SDK1: variants seen among roughly 807,000 people sequenced by gnomAD.
SDK1 encodes sidekick cell adhesion molecule 1.
Under a neutral mutation model 245.5 loss-of-function variants are expected in SDK1, and 157 were observed. The observed-to-expected ratio is 0.64, with a 90% CI of 0.56 to 0.73. The LOEUF (loss-of-function observed/expected upper bound fraction) is 0.73, where lower values mean the gene tolerates loss of function less well. Among genes scored for constraint, SDK1 ranks in the 30% least tolerant of loss-of-function variants. The pLI, the probability that SDK1 is intolerant of heterozygous loss-of-function variation, is 0.00. For synonymous variants in SDK1, 1,647 were observed against 1,278.5 expected, an observed-to-expected ratio of 1.29 and a Z score of -6.15; for missense variants, 3,583 against 3,002.3, an observed-to-expected ratio of 1.19 and a Z score of -4.52.
chr7:4,046,714 G>T (rs1452098399), intron 17 of SDK1, among the ~76,000 whole-genome samples: 1 of 152,084 alleles, frequency 6.6e-6, no homozygotes, highest in African/African-American at 2.4e-5. Context: ...ATACAGTAAA[G>T]GTTATCCAAA....
At chr7:4,050,396 C>A (rs1054631899) in intron 18 of SDK1, among the ~76,000 whole-genome samples, 3 of 152,234 alleles carry the variant, frequency 2.0e-5, no homozygotes, top group Admixed American at 2.0e-4. Context: ...TCATATTGAT[C>A]AAGCAAGATG....
At chr7:3,734,411 T>A (rs1779264435) in intron 4 of SDK1, among the ~76,000 whole-genome samples, 2 of 152,206 alleles carry the variant, frequency 1.3e-5, no homozygotes, top group African/African-American at 4.8e-5. Context: ...CCCAAATTAA[T>A]AATAGGTCCT....
intron 1 of SDK1, among the ~76,000 whole-genome samples, chr7:3,552,117 C>T (rs1338352840): frequency 6.6e-6 from 1 of 152,068 alleles, no homozygotes; most frequent in African/African-American, 2.4e-5. Flanking sequence ...TGGCTCACTG[C>T]AAGCTCCACC....
intron 1 of SDK1, among the ~76,000 whole-genome samples, chr7:3,470,729 T>C (rs1212090907): frequency 6.6e-6 from 1 of 152,174 alleles, no homozygotes; most frequent in East Asian, 1.9e-4. Context: ...GAGAATCCAG[T>C]TTTCCAAATT....
intron 5 of SDK1, among the ~76,000 whole-genome samples, chr7:3,913,475 G>A (rs2128109786): frequency 6.6e-6 from 1 of 151,692 alleles, no homozygotes; most frequent in East Asian, 1.9e-4. Flanking sequence ...TTGTATTTTT[G>A]GTAGAGATGG....
At chr7:3,618,005 G>A (rs1399039912) in intron 1 of SDK1, among the ~76,000 whole-genome samples, 1 of 152,136 alleles carries the variant, frequency 6.6e-6, no homozygotes, top group East Asian at 1.9e-4. Flanking sequence ...TATGCAGGTG[G>A]ATCTTGGGGA....
intron 4 of SDK1, among the ~76,000 whole-genome samples, chr7:3,726,061 C>A (rs1399759365): frequency 6.6e-6 from 1 of 152,238 alleles, no homozygotes; most frequent in Non-Finnish European, 1.5e-5. Flanking sequence ...TATCACCTTA[C>A]ATCTGCCTAA....
intron 1 of SDK1, among the ~76,000 whole-genome samples, chr7:3,507,718 C>A (rs1782436121): frequency 6.6e-6 from 1 of 152,192 alleles, no homozygotes. Context: ...TTATCTCTCC[C>A]TTTCTCCTGC....
intron 28 of SDK1, among the ~76,000 whole-genome samples, chr7:4,139,349 G>A (rs1359631381): frequency 6.6e-6 from 1 of 151,840 alleles, no homozygotes; most frequent in South Asian, 2.1e-4. Context: ...CTATCTATCT[G>A]TATGTATAAA....
intron 1 of SDK1, among the ~76,000 whole-genome samples, chr7:3,572,818 A>C (rs1048155345): frequency 6.6e-6 from 1 of 152,124 alleles, no homozygotes. Flanking sequence ...AAACGTAAAC[A>C]TGGTGAAAAA....
At chr7:3,520,445 G>A (rs1337833745) in intron 1 of SDK1, among the ~76,000 whole-genome samples, 1 of 152,078 alleles carries the variant, frequency 6.6e-6, no homozygotes, top group Non-Finnish European at 1.5e-5. Context: ...CACAGCTGTC[G>A]AACTCTGCTG....
At chr7:3,526,349 G>C (rs1366667580) in intron 1 of SDK1, among the ~76,000 whole-genome samples, 1 of 152,022 alleles carries the variant, frequency 6.6e-6, no homozygotes, top group Non-Finnish European at 1.5e-5. Flanking sequence ...ATTGTAATCT[G>C]GCAATATTTT....
intron 4 of SDK1, among the ~76,000 whole-genome samples, chr7:3,677,547 A>G (rs1340826597): frequency 6.6e-6 from 1 of 152,212 alleles, no homozygotes; most frequent in African/African-American, 2.4e-5. Flanking sequence ...CAAGAATGGT[A>G]TGGGGGAAAC....
intron 1 of SDK1, among the ~76,000 whole-genome samples, chr7:3,478,581 A>G (rs750125788): frequency 2.6e-5 from 4 of 152,000 alleles, no homozygotes; most frequent in Non-Finnish European, 5.9e-5. Flanking sequence ...GTCTTTTTGC[A>G]TTTGTGTGGG....
chr7:3,644,720 C>T (rs1782766378), intron 4 of SDK1, among the ~76,000 whole-genome samples: 1 of 137,174 alleles, frequency 7.3e-6, no homozygotes, highest in Admixed American at 8.3e-5. Flanking sequence ...TTGCAGTGAG[C>T]TACGATGGTG....
intron 1 of SDK1, among the ~76,000 whole-genome samples, chr7:3,472,719 T>G (rs1391803486): frequency 6.6e-6 from 1 of 152,198 alleles, no homozygotes; most frequent in Non-Finnish European, 1.5e-5. Context: ...TAACCTAGAT[T>G]ACTGAATTTG....
At chr7:3,553,336 G>C (rs567002160) in intron 1 of SDK1, among the ~76,000 whole-genome samples, 15 of 152,166 alleles carry the variant, frequency 9.9e-5, no homozygotes, top group African/African-American at 3.4e-4. Context: ...CTTCTAGCTT[G>C]GACAAAATGG....
chr7:3,397,900 T>C (rs1203354500), intron 1 of SDK1, among the ~76,000 whole-genome samples: 1 of 152,132 alleles, frequency 6.6e-6, no homozygotes. Context: ...ACATAATCTC[T>C]GCCATATATG....
chr7:3,889,670 G>C (rs1781412187), intron 5 of SDK1, among the ~76,000 whole-genome samples: 1 of 152,128 alleles, frequency 6.6e-6, no homozygotes, highest in African/African-American at 2.4e-5. Context: ...ACCTCGCCTG[G>C]CTAATTTTTT....
Sources: allele counts gnomAD v4.1 joint callset (sites outside exome capture counted in the v4.1 genomes callset), GRCh38; gene constraint gnomAD v4.1.1; transcripts MANE v1.5; gene names NCBI Gene and HGNC (gene_info 2026-07-23, HGNC 2026-07-21).